Variants in SV2C observed in about 807,000 individuals in gnomAD.
The protein encoded by SV2C is synaptic vesicle glycoprotein 2C.
In SV2C, 49 loss-of-function variants were observed where a neutral mutation model predicts 79.7. The observed-to-expected ratio is 0.61, with a 90% CI of 0.49 to 0.78. The LOEUF (loss-of-function observed/expected upper bound fraction) is 0.78, where lower values mean the gene tolerates loss of function less well. SV2C is among the 30% of genes least tolerant of loss of function. The pLI is 0.00. For missense variants in SV2C, 833 were observed against 912.9 expected, an observed-to-expected ratio of 0.91 and a Z score of 1.13; for synonymous variants, 334 against 333.2, an observed-to-expected ratio of 1.00 and a Z score of -0.03.
the SV2C span, among the ~76,000 whole-genome samples, chr5:75,948,879 G>A: frequency 2.0e-5 from 3 of 151,886 alleles, no homozygotes; most frequent in Non-Finnish European, 4.4e-5. Context: ...GATTACATAC[G>A]ACTTTGAAGG....
At chr5:75,990,896 C>T in the SV2C span, among the ~76,000 whole-genome samples, 1 of 152,070 alleles carries the variant, frequency 6.6e-6, no homozygotes, top group South Asian at 2.1e-4. Context: ...TGGCTGTGCA[C>T]CAAGTCTGAT....
chr5:76,239,108 T>TG (rs1234367748), intron 4 of SV2C, among the ~76,000 whole-genome samples: 2 of 152,222 alleles, frequency 1.3e-5, no homozygotes, highest in Admixed American at 1.3e-4. Flanking sequence ...CTGTATGTCC[T>TG]GACACCACAG....
the SV2C span, among the ~76,000 whole-genome samples, chr5:75,939,461 C>A: frequency 1.4e-4 from 22 of 152,068 alleles, no homozygotes; most frequent in Non-Finnish European, 3.1e-4. Flanking sequence ...CTAATCTAAA[C>A]CTAATTACCT....
At chr5:76,033,664 T>G in the SV2C span, among the ~76,000 whole-genome samples, 1 of 152,220 alleles carries the variant, frequency 6.6e-6, no homozygotes, top group Non-Finnish European at 1.5e-5. Context: ...TGTAGTATAG[T>G]TTGAAGTCAG....
intron 12 of SV2C, among the ~76,000 whole-genome samples, chr5:76,305,877 T>C (rs1055327097): frequency 6.6e-6 from 1 of 152,204 alleles, no homozygotes; most frequent in Non-Finnish European, 1.5e-5. Context: ...TGGGACATGA[T>C]GATTTAAGGG....
chr5:76,271,496 C>G (rs2972833), intron 4 of SV2C, among the ~76,000 whole-genome samples: 72,648 of 151,908 alleles, frequency 0.48, 17,849 homozygotes, highest in South Asian at 0.53. Flanking sequence ...GACACTGCAC[C>G]CAATACCTGT....
At chr5:76,194,430 G>A (rs539451718) in intron 2 of SV2C, among the ~76,000 whole-genome samples, 7 of 152,244 alleles carry the variant, frequency 4.6e-5, no homozygotes, top group South Asian at 4.1e-4. Flanking sequence ...GGAATCCCTC[G>A]TGCTGCACTT....
the SV2C span, among the ~76,000 whole-genome samples, chr5:75,960,212 AT>A: frequency 2.6e-5 from 4 of 151,746 alleles, no homozygotes; most frequent in Non-Finnish European, 5.9e-5. Context: ...CTATTAACTG[AT>A]TTTTTTTGCA....
At chr5:75,882,980 A>T in the SV2C span, among the ~76,000 whole-genome samples, 1 of 149,888 alleles carries the variant, frequency 6.7e-6, no homozygotes, top group Non-Finnish European at 1.5e-5. Context: ...CAATGAACTC[A>T]AACAAATTTA....
the SV2C span, among the ~76,000 whole-genome samples, chr5:75,896,685 C>G: frequency 6.6e-6 from 1 of 151,400 alleles, no homozygotes. Flanking sequence ...GTCCCACCAA[C>G]AGTGTAAAAG....
chr5:76,136,765 C>T (rs888496833), intron 2 of SV2C, among the ~76,000 whole-genome samples: 4 of 152,052 alleles, frequency 2.6e-5, no homozygotes, highest in African/African-American at 9.7e-5. Flanking sequence ...CAAGAGTTTA[C>T]CGGGCAGATA....
the SV2C span, among the ~76,000 whole-genome samples, chr5:76,063,412 G>C: frequency 3.3e-5 from 5 of 152,176 alleles, no homozygotes; most frequent in African/African-American, 1.2e-4. Flanking sequence ...CATACACTGT[G>C]CTGCAGCTAT....
At chr5:76,323,967 G>T (rs1418536631) in intron 12 of SV2C, among the ~76,000 whole-genome samples, 1 of 152,104 alleles carries the variant, frequency 6.6e-6, no homozygotes, top group South Asian at 2.1e-4. Flanking sequence ...GTATACCTAT[G>T]TAACAAACCT....
intron 4 of SV2C, among the ~76,000 whole-genome samples, chr5:76,247,347 T>C (rs1332019499): frequency 6.6e-6 from 1 of 152,248 alleles, no homozygotes; most frequent in East Asian, 1.9e-4. Context: ...CGTGGCCATA[T>C]GCTGTGATTA....
the SV2C span, among the ~76,000 whole-genome samples, chr5:75,866,386 G>A: frequency 7.9e-5 from 12 of 152,200 alleles, no homozygotes; most frequent in African/African-American, 2.7e-4. Context: ...GCACTGCACC[G>A]ATGTGGCAGA....
At chr5:75,910,515 A>C in the SV2C span, 129 of 625,596 alleles carry the variant, frequency 2.1e-4, no homozygotes, top group East Asian at 4.0e-3. Flanking sequence ...TGATGGTAGA[A>C]GTTGTTGGGG....
chr5:76,230,271 G>T (rs1298015492), intron 4 of SV2C, among the ~76,000 whole-genome samples: 1 of 152,176 alleles, frequency 6.6e-6, no homozygotes, highest in East Asian at 1.9e-4. Flanking sequence ...GGCAGTCATG[G>T]AAGAGAATGA....
At chr5:76,120,229 A>T (rs2937705) in intron 1 of SV2C, among the ~76,000 whole-genome samples, 23 of 151,734 alleles carry the variant, frequency 1.5e-4, no homozygotes, top group African/African-American at 5.6e-4. Flanking sequence ...GTAGCATCTC[A>T]CAAACGTGAC....
the SV2C span, among the ~76,000 whole-genome samples, chr5:76,048,134 A>AT: frequency 6.6e-6 from 1 of 152,096 alleles, no homozygotes; most frequent in Non-Finnish European, 1.5e-5. Context: ...TGTTGATTGA[A>AT]TTTTTTTGAG....
Sources: gnomAD v4.1 joint callset for allele counts (sites outside exome capture counted in the v4.1 genomes callset) on GRCh38, gnomAD v4.1.1 for gene constraint, MANE v1.5 for transcripts, NCBI Gene and HGNC (gene_info 2026-07-23, HGNC 2026-07-21) for gene names.